NCAM1: variants seen among roughly 807,000 people sequenced by gnomAD.
NCAM1 encodes the protein neural cell adhesion molecule 1, also known as antigen recognized by monoclonal antibody 5.1H11.
Under a neutral mutation model 109.8 loss-of-function variants are expected in NCAM1, and 14 were observed. That is an observed-to-expected ratio of 0.13 (90% CI 0.08 to 0.20). The LOEUF is 0.20. Ranked by LOEUF, NCAM1 falls within the 10% of genes least tolerant of loss-of-function variation. The pLI is 1.00. For synonymous variants in NCAM1, 418 were observed against 442.9 expected (o/e 0.94, Z 0.70); for missense variants, 774 against 1,109.9 (o/e 0.70, Z 4.30).
intron 1 of NCAM1, among the ~76,000 whole-genome samples, chr11:113,121,363 G>A (rs1195520610): frequency 6.6e-6 from 1 of 151,072 alleles, no homozygotes; most frequent in Non-Finnish European, 1.5e-5. Flanking sequence ...TGGGACTGCA[G>A]GTGCATGCCA....
chr11:113,075,289 C>T (rs968845146), intron 1 of NCAM1, among the ~76,000 whole-genome samples: 9 of 152,106 alleles, frequency 5.9e-5, no homozygotes, highest in Non-Finnish European at 1.2e-4. Context: ...AGGCTGGTCT[C>T]GGGCTCCTGG....
intron 14 of NCAM1, chr11:113,240,757 T>C (rs1555118973): frequency 1.3e-5 from 21 of 1,610,658 alleles, no homozygotes; most frequent in Non-Finnish European, 1.8e-5. Context: ...AATGATCTTT[T>C]TTCCCCACCT....
chr11:113,194,042 T>A (rs1943778385), intron 1 of NCAM1, among the ~76,000 whole-genome samples: 1 of 152,146 alleles, frequency 6.6e-6, no homozygotes. Flanking sequence ...CTCTGTGTTC[T>A]GATTTGAAGC....
intron 1 of NCAM1, among the ~76,000 whole-genome samples, chr11:113,034,984 C>T (rs782261330): frequency 3.3e-5 from 5 of 152,130 alleles, no homozygotes; most frequent in Non-Finnish European, 7.3e-5. Context: ...TCAACACTCT[C>T]GAGCATTTTA....
Position 113,275,457 on chromosome 11 carries a change from A to C in NCAM1, c.*70A>C. On this transcript the variant is annotated 3_prime_UTR_variant, in exon 20 of 20. Transcript: ENST00000316851. ...GCAGCTTCACCAGAGCATTTCCAAC[A>C]CCACAGACACACACACGCACGCACA... is the stretch of plus-strand genomic sequence containing the variant. 1 of 1,548,502 alleles carries C rather than the reference A, an allele frequency of 6.5e-7. No individual in the cohort carries two copies. The highest frequency in any genetic ancestry group is 8.8e-7 in the Non-Finnish European group (1 of 1,139,964).
chr11:113,123,013 C>T (rs1182103751), intron 1 of NCAM1, among the ~76,000 whole-genome samples: 1 of 151,966 alleles, frequency 6.6e-6, no homozygotes, highest in Non-Finnish European at 1.5e-5. Context: ...ATGTTGATCT[C>T]AAGGAGGTAG....
At chr11:113,179,891 G>A (rs1943280165) in intron 1 of NCAM1, among the ~76,000 whole-genome samples, 1 of 152,148 alleles carries the variant, frequency 6.6e-6, no homozygotes, top group Non-Finnish European at 1.5e-5. Context: ...AAGAGACAGT[G>A]GATGGGGAAG....
At chr11:113,165,301 C>A (rs1459612773) in intron 1 of NCAM1, among the ~76,000 whole-genome samples, 8 of 152,176 alleles carry the variant, frequency 5.3e-5, no homozygotes, top group Admixed American at 5.2e-4. Context: ...AAAGGCCAAT[C>A]GCTTTCTGAT....
rs191279412 is a variant in NCAM1, at chr11:113,194,434, A to G, written c.53-7945A>G. ...AATTCTTACCAGGACTGCTTGCTGC[A>G]TGGTTTTTGTGTATGACTCAATACC... On this transcript the variant is annotated intron_variant, in intron 1 of 19. Transcript: ENST00000316851. Among the ~76,000 whole-genome samples the G allele has an allele frequency of 3.2e-3, 491 of 152,264 alleles. 3 individuals carry two copies. Among genetic ancestry groups the G allele is most frequent in the Non-Finnish European group, 3.1e-3 (208 of 68,026 alleles).
chr11:113,198,991 G>C (rs2574823), intron 1 of NCAM1, among the ~76,000 whole-genome samples: 74,923 of 151,954 alleles, frequency 0.49, 19,499 homozygotes, highest in East Asian at 0.73. Flanking sequence ...ACAAAAGAGG[G>C]CTTGGGGGAT....
In NCAM1 at chr11:113,104,203, GGGGT is replaced by G. The variant is rs1394697726; in HGVS notation, c.53-98172_53-98169del. On this transcript the variant is annotated intron_variant, in intron 1 of 19. Coordinates refer to ENST00000316851, the MANE Select transcript of NCAM1 (RefSeq NM_181351.5). ...GTTGGAGAACAGGTGAAGAGGAGGT[GGGGT>G]GGGGGGGGGGGCGGGGTGGTGGTGG... 4.0e-4 allele frequency among the ~76,000 whole-genome samples: 48 copies of G among 119,340 alleles called. 2 individuals are homozygous for G. Among genetic ancestry groups the G allele is most frequent in the East Asian group, 3.4e-3 (11 of 3,226 alleles). The allele number at this position is 119,340 out of a possible 152,430, so 78.3% of individuals were successfully genotyped here.
chr11:113,255,315 G>A (rs1204438080), intron 15 of NCAM1, among the ~76,000 whole-genome samples: 1 of 152,038 alleles, frequency 6.6e-6, no homozygotes, highest in East Asian at 1.9e-4. Flanking sequence ...TTTTTTAAAC[G>A]AATCTAAGTA....
At chr11:113,123,321 C>T (rs1453003965) in intron 1 of NCAM1, among the ~76,000 whole-genome samples, 1 of 151,986 alleles carries the variant, frequency 6.6e-6, no homozygotes, top group Non-Finnish European at 1.5e-5. Context: ...TCACATGTAC[C>T]CCATACATAT....
At chr11:113,088,801 G>C (rs967784071) in intron 1 of NCAM1, among the ~76,000 whole-genome samples, 1 of 152,060 alleles carries the variant, frequency 6.6e-6, no homozygotes, top group South Asian at 2.1e-4. Flanking sequence ...TTGAAATCCA[G>C]TTCCTAATAA....
At chr11:113,185,084 A>ATATATATATATATATAT (rs1565485449) in intron 1 of NCAM1, among the ~76,000 whole-genome samples, 43 of 130,384 alleles carry the variant, frequency 3.3e-4, no homozygotes, top group African/African-American at 1.2e-3. Flanking sequence ...ATATATAGAG[A>ATATATATATATATATAT]GAGAGAGAGA....
intron 1 of NCAM1, among the ~76,000 whole-genome samples, chr11:113,003,354 C>G (rs1275863707): frequency 6.6e-6 from 1 of 152,234 alleles, no homozygotes; most frequent in Non-Finnish European, 1.5e-5. Flanking sequence ...CCAAATAATT[C>G]ATAGTGCTCA....
chr11:113,100,107 G>A lies in NCAM1; in HGVS notation c.53-102272G>A, dbSNP rs7932259. On this transcript the variant is annotated intron_variant, in intron 1 of 19. Coordinates refer to ENST00000316851, the MANE Select transcript of NCAM1 (RefSeq NM_181351.5). Reference sequence around the variant, plus strand: ...ATTTTGCCTATTGTACTTGGTAGAAGACACCAGTACTGCCCTCTCCTGTTA... The same window carrying A: ...ATTTTGCCTATTGTACTTGGTAGAAAACACCAGTACTGCCCTCTCCTGTTA... Among the ~76,000 whole-genome samples, 1,395 of 152,284 alleles carry A rather than the reference G, an allele frequency of 9.2e-3. 19 individuals carry two copies. Among genetic ancestry groups the A allele is most frequent in the African/African-American group, 0.032 (1,314 of 41,552 alleles).
chr11:113,219,777 A>G (rs1436498003), intron 8 of NCAM1, among the ~76,000 whole-genome samples: 1 of 152,264 alleles, frequency 6.6e-6, no homozygotes, highest in Non-Finnish European at 1.5e-5. Flanking sequence ...TCTCAAAAGA[A>G]AGATCTTGAT....
intron 1 of NCAM1, among the ~76,000 whole-genome samples, chr11:113,035,441 C>T (rs535387374): frequency 1.3e-5 from 2 of 152,244 alleles, no homozygotes; most frequent in East Asian, 1.9e-4. Context: ...AAGGCATTCT[C>T]GTACTATATT....
Sources: allele counts gnomAD v4.1 joint callset (sites outside exome capture counted in the v4.1 genomes callset), GRCh38; gene constraint gnomAD v4.1.1; transcripts MANE v1.5; gene names NCBI Gene and HGNC (gene_info 2026-07-23, HGNC 2026-07-21).